ASAH2B: variants seen among roughly 807,000 people sequenced by gnomAD.
ASAH2B encodes the protein N-acylsphingosine amidohydrolase 2B, also known as putative inactive neutral ceramidase B.
ASAH2B carries 1 observed loss-of-function variant against 2.9 expected under a neutral mutation model. The ratio of observed to expected loss-of-function variants is 0.34; its 90% confidence interval spans 0.12 to 1.63. ASAH2B has a LOEUF of 1.63. Among genes scored for constraint, ASAH2B ranks in the 40% most tolerant of loss-of-function variants. The pLI, the probability that ASAH2B is intolerant of heterozygous loss-of-function variation, is 0.36. For synonymous variants in ASAH2B, 4 were observed against 13.3 expected (o/e 0.30, Z 1.52); for missense variants, 9 against 37.7 (o/e 0.24, Z 1.99).
intron 3 of ASAH2B, among the ~76,000 whole-genome samples, chr10:50,746,282 T>C (rs1357754670): frequency 1.3e-5 from 2 of 151,548 alleles, no homozygotes; most frequent in Non-Finnish European, 2.9e-5. Context: ...CTTATTTCAC[T>C]GAATCTAATG....
chr10:50,744,314 G>A (rs1211805736), intron 2 of ASAH2B, among the ~76,000 whole-genome samples: 1 of 151,390 alleles, frequency 6.6e-6, no homozygotes, highest in Non-Finnish European at 1.5e-5. Context: ...TTGTTTTACA[G>A]ACAAATTTCT....
chr10:50,740,535 C>T (rs547060738), intron 1 of ASAH2B, among the ~76,000 whole-genome samples: 85 of 152,328 alleles, frequency 5.6e-4, no homozygotes, highest in African/African-American at 2.0e-3. Context: ...GCACCCTGTG[C>T]AGCCTTGCAG....
chr10:50,751,651 T>C (rs1463642241), intron 4 of ASAH2B, among the ~76,000 whole-genome samples: 3 of 151,550 alleles, frequency 2.0e-5, no homozygotes, highest in Non-Finnish European at 4.4e-5. Flanking sequence ...TGTAAATAGG[T>C]GATACATTTA....
rs528455452 is a variant in ASAH2B, at chr10:50,756,166, A to G, written c.*1426A>G. ...ATGTAAAAGCTTTAGCATTTTAGGG[A>G]AAAAAATCAATCTGTATTTCAAAAA... On this transcript the variant is annotated 3_prime_UTR_variant, in exon 6 of 6. Transcript: ENST00000647317. 11 of 150,688 alleles carry G rather than the reference A, an allele frequency of 7.3e-5. No individual in the cohort carries two copies. Among genetic ancestry groups the G allele is most frequent in the Admixed American group, 6.0e-4 (9 of 14,888 alleles). The allele number at this position is 150,688 out of a possible 1,614,324, so 9.3% of individuals were successfully genotyped here. A position where few individuals can be genotyped will look rare whatever the true frequency, so the allele number is the denominator to read the frequency against.
chr10:50,753,197 C>G (rs1276776475), intron 5 of ASAH2B, among the ~76,000 whole-genome samples: 1 of 140,462 alleles, frequency 7.1e-6, no homozygotes, highest in Non-Finnish European at 1.6e-5. Context: ...ATAAATTTAA[C>G]ATTCCATGAC....
rs1588935470 is a variant in ASAH2B, at chr10:50,754,768, C to G, written c.*28C>G. ...AAAAGTTGATAGATCATTTAAAGAA[C>G]AGCTTTACTCTCTACACATTATATA... On this transcript the variant is annotated 3_prime_UTR_variant, in exon 6 of 6. Coordinates refer to ENST00000647317, the MANE Select transcript of ASAH2B (RefSeq NM_001321958.2). 1 of 164,572 alleles carries G rather than the reference C, an allele frequency of 6.1e-6. No homozygotes were observed. The highest frequency in any genetic ancestry group is 1.6e-4 in the East Asian group (1 of 6,266). The allele number at this position is 164,572 out of a possible 1,614,324, so 10.2% of individuals were successfully genotyped here.
At chr10:50,743,740 A>T (rs1220024912) in intron 2 of ASAH2B, 1 of 150,846 alleles carries the variant, frequency 6.6e-6, no homozygotes, top group African/African-American at 2.5e-5. Context: ...TGATGTCAGA[A>T]GGTTAGTCAA....
At chr10:50,743,928 C>T (rs2820750) in intron 2 of ASAH2B, among the ~76,000 whole-genome samples, 2 of 147,142 alleles carry the variant, frequency 1.4e-5, no homozygotes, top group East Asian at 2.0e-4. Flanking sequence ...TTGCATCAGT[C>T]GAACGTTGAA....
chr10:50,758,725 G>A lies in ASAH2B; in HGVS notation c.*3985G>A, dbSNP rs1461656596. On this transcript the variant is annotated 3_prime_UTR_variant, in exon 6 of 6. Transcript: ENST00000647317. ...ATATCAAGCACCTATATACTTTATG[G>A]CAGAAATTATGCTAAATCCTAAGAA... The A allele has an allele frequency of 5.3e-5, 8 of 152,108 alleles. No individual in the cohort carries two copies. The highest frequency in any genetic ancestry group is 1.2e-4 in the Non-Finnish European group (8 of 67,960). 9.4% of individuals were successfully genotyped at this position (152,108 alleles called of 1,614,324 possible).
At chr10:50,741,692 G>A (rs1051709194) in intron 1 of ASAH2B, among the ~76,000 whole-genome samples, 1 of 152,096 alleles carries the variant, frequency 6.6e-6, no homozygotes, top group Non-Finnish European at 1.5e-5. Context: ...GTATGCGGAG[G>A]GTGATGGTAA....
intron 3 of ASAH2B, among the ~76,000 whole-genome samples, chr10:50,748,599 A>C (rs1264900145): frequency 6.6e-6 from 1 of 151,222 alleles, no homozygotes; most frequent in East Asian, 1.9e-4. Flanking sequence ...TGCAAACTTG[A>C]GGGGAGCTTT....
chr10:50,742,104 T>G lies in ASAH2B; in HGVS notation c.-99-811T>G, dbSNP rs528533493. ...TTTACCTATATAACAAACCTGCACA[T>G]GTACCTCTGAACTTAATACAAATAT... On this transcript the variant is annotated intron_variant, in intron 1 of 5. Transcript: ENST00000647317. Among the ~76,000 whole-genome samples the G allele has an allele frequency of 1.6e-4, 25 of 152,302 alleles. No individual in the cohort carries two copies. The South Asian group carries it at 4.8e-3, about 29-fold the overall frequency.
chr10:50,748,957 A>T (rs1030951597), intron 3 of ASAH2B, among the ~76,000 whole-genome samples: 1 of 152,010 alleles, frequency 6.6e-6, no homozygotes, highest in East Asian at 1.9e-4. Flanking sequence ...AAGCTTAACT[A>T]TAAATGTAAG....
intron 3 of ASAH2B, among the ~76,000 whole-genome samples, chr10:50,746,944 C>T (rs1383705945): frequency 2.0e-5 from 3 of 149,666 alleles, no homozygotes; most frequent in African/African-American, 7.4e-5. Flanking sequence ...TTCTCCCATT[C>T]TTTAGGTTGT....
chr10:50,754,166 C>CAT (rs1164698561), intron 5 of ASAH2B, among the ~76,000 whole-genome samples: 24,326 of 138,160 alleles, frequency 0.18, 183 homozygotes, highest in Admixed American at 0.27. Flanking sequence ...TACACACACA[C>CAT]ATATATATAT....
At chr10:50,747,498 T>C (rs4553321) in intron 3 of ASAH2B, among the ~76,000 whole-genome samples, 2,303 of 130,878 alleles carry the variant, frequency 0.018, no homozygotes, top group East Asian at 0.039. Flanking sequence ...GACACTCTTG[T>C]CTTGTTTCCA....
chr10:50,757,484 A>G lies in ASAH2B; in HGVS notation c.*2744A>G, dbSNP rs1372446775. 2.0e-5 allele frequency: 3 copies of G among 147,900 alleles called. No homozygotes were observed. Among genetic ancestry groups the G allele is most frequent in the African/African-American group, 7.3e-5 (3 of 41,108 alleles). 9.2% of individuals were successfully genotyped at this position (147,900 alleles called of 1,614,324 possible). Reference sequence around the variant, plus strand: ...TAACTATGAAATTGTTTCCTGCGCTAATTCTGAACAAAAAGACCAAGAATG... The same window carrying G: ...TAACTATGAAATTGTTTCCTGCGCTGATTCTGAACAAAAAGACCAAGAATG... On this transcript the variant is annotated 3_prime_UTR_variant, in exon 6 of 6. Transcript: ENST00000647317.
chr10:50,744,515 C>G (rs1269347986), intron 2 of ASAH2B, among the ~76,000 whole-genome samples: 1 of 151,368 alleles, frequency 6.6e-6, no homozygotes, highest in Non-Finnish European at 1.5e-5. Context: ...TGGCAAAATG[C>G]CAATTACTTT....
At chr10:50,745,842 T>A (rs1839897802) in intron 3 of ASAH2B, among the ~76,000 whole-genome samples, 1 of 150,266 alleles carries the variant, frequency 6.7e-6, no homozygotes, top group Non-Finnish European at 1.5e-5. Flanking sequence ...TTCTGCTTTT[T>A]AAAAATTTTT....
Sources: allele counts gnomAD v4.1 joint callset (sites outside exome capture counted in the v4.1 genomes callset), GRCh38; gene constraint gnomAD v4.1.1; transcripts MANE v1.5; gene names NCBI Gene and HGNC (gene_info 2026-07-23, HGNC 2026-07-21).